NFIB: variants seen among roughly 807,000 people sequenced by gnomAD.
The protein encoded by NFIB is nuclear factor I B, also known as nuclear factor 1 B-type.
A neutral mutation model predicts 61.5 loss-of-function variants in NFIB; 11 were observed. That is an observed-to-expected ratio of 0.18 (90% CI 0.11 to 0.30). The LOEUF (loss-of-function observed/expected upper bound fraction) is 0.30. Ranked by LOEUF, NFIB falls within the 10% of genes least tolerant of loss-of-function variation. NFIB has a pLI of 1.00. For missense variants in NFIB, 471 were observed against 608.9 expected, an observed-to-expected ratio of 0.77 and a Z score of 2.38; for synonymous variants, 260 against 216.5, an observed-to-expected ratio of 1.20 and a Z score of -1.76.
Position 14,313,226 on chromosome 9 carries a change from AC to A in NFIB, c.30+255del, listed in dbSNP as rs537750667. ...GCACTTACAGGTCCCGGCCCTGCCC[AC>A]CCCCCGGCGGCCTTGCCCGGCCCAG... is the stretch of plus-strand genomic sequence containing the variant. On this transcript the variant is annotated intron_variant, in intron 1 of 10. Coordinates refer to ENST00000380953, the MANE Select transcript of NFIB (RefSeq NM_001190737.2). The surrounding 1 kb of genome is among the most constrained non-coding windows in gnomAD (Gnocchi z 4.5). Among the ~76,000 whole-genome samples the A allele has an allele frequency of 2.6e-4, 39 of 151,318 alleles. No individual in the cohort carries two copies. The South Asian group carries it at 7.7e-3, about 30-fold the overall frequency.
chr9:14,088,559 T>C (rs942522572), intron 10 of NFIB, among the ~76,000 whole-genome samples: 33 of 152,106 alleles, frequency 2.2e-4, no homozygotes, highest in African/African-American at 6.5e-4. Flanking sequence ...GGCAGAAAAA[T>C]CCAGAGTAAG....
chr9:14,523,036 G>A, the NFIB span, among the ~76,000 whole-genome samples: 4 of 152,164 alleles, frequency 2.6e-5, no homozygotes. Context: ...TGAGAGAGTT[G>A]AGGGAAAGAA....
intron 2 of NFIB, among the ~76,000 whole-genome samples, chr9:14,197,790 G>A (rs2890983): frequency 0.88 from 132,749 of 151,496 alleles, 58,369 homozygotes; most frequent in South Asian, 0.93. Context: ...GAAATAACTT[G>A]GGGAAAAAAA....
intron 2 of NFIB, among the ~76,000 whole-genome samples, chr9:14,234,952 T>C (rs771547970): frequency 1.3e-5 from 2 of 152,170 alleles, no homozygotes; most frequent in African/African-American, 4.8e-5. Flanking sequence ...TTTGGTCTTT[T>C]TGAACAAATG....
the NFIB span, among the ~76,000 whole-genome samples, chr9:14,510,140 C>T: frequency 6.6e-6 from 1 of 152,200 alleles, no homozygotes; most frequent in African/African-American, 2.4e-5. Flanking sequence ...AAGTGATCTG[C>T]CTGCCTTGGC....
chr9:14,151,246 A>C (rs1030962114), intron 4 of NFIB, among the ~76,000 whole-genome samples: 28 of 152,270 alleles, frequency 1.8e-4, no homozygotes, highest in African/African-American at 6.0e-4. Flanking sequence ...TTTCTCCTCC[A>C]AACTTCTTCC....
the NFIB span, among the ~76,000 whole-genome samples, chr9:14,442,820 C>T: frequency 6.6e-6 from 1 of 152,060 alleles, no homozygotes; most frequent in African/African-American, 2.4e-5. Flanking sequence ...ACGGCTTAAC[C>T]CATAAACCAT....
At chr9:14,155,321 G>C (rs1252973383) in intron 4 of NFIB, among the ~76,000 whole-genome samples, 3 of 152,160 alleles carry the variant, frequency 2.0e-5, no homozygotes, top group Non-Finnish European at 4.4e-5. Flanking sequence ...ATTGGACATT[G>C]TTTTGGATAA....
chr9:14,314,173 CCGGGGTGGGGG>C (rs1050240169), upstream of NFIB: 33 of 95,388 alleles, frequency 3.5e-4, no homozygotes, highest in African/African-American at 5.5e-4. Context: ...CGGGAGAGGG[CCGGGGTGGGGG>C]CGGGGTGGGA....
chr9:14,125,501 G>C lies in NFIB; in HGVS notation c.1060+131C>G, dbSNP rs567181461. ...AGAAGAAAAAATACTTGATCGGATT[G>C]TGCCCCTCACCATATGGGTTGAGAA... On this transcript the variant is annotated intron_variant, in intron 7 of 10. Coordinates refer to ENST00000380953, the MANE Select transcript of NFIB (RefSeq NM_001190737.2). 31 of 1,252,268 alleles carry C rather than the reference G, an allele frequency of 2.5e-5. No individual in the cohort carries two copies. The East Asian group carries it at 7.4e-4, about 30-fold the overall frequency. 77.6% of individuals were successfully genotyped at this position (1,252,268 alleles called of 1,614,324 possible).
chr9:14,248,566 C>T (rs561436111), intron 2 of NFIB, among the ~76,000 whole-genome samples: 17 of 152,242 alleles, frequency 1.1e-4, no homozygotes, highest in African/African-American at 2.2e-4. Context: ...CCACCACGCC[C>T]GGCCTCTATT....
At chr9:14,252,824 C>A (rs1180337739) in intron 2 of NFIB, among the ~76,000 whole-genome samples, 1 of 152,152 alleles carries the variant, frequency 6.6e-6, no homozygotes, top group Non-Finnish European at 1.5e-5. Context: ...CCATCTCCTG[C>A]AGCAAAATAT....
the NFIB span, among the ~76,000 whole-genome samples, chr9:14,440,485 G>T: frequency 8.7e-4 from 132 of 152,158 alleles, no homozygotes; most frequent in African/African-American, 3.1e-3. Context: ...ATTACACAGG[G>T]TCTATGTCCA....
chr9:14,088,387 T>C, intron 10 of NFIB, 61 bp from the exon 11 acceptor site: 1 of 1,398,876 alleles, frequency 7.1e-7, no homozygotes, highest in Admixed American at 2.6e-5. Context: ...AATGTTAAAA[T>C]CTACAACAAT....
chr9:14,288,537 C>G (rs944006376), intron 2 of NFIB, among the ~76,000 whole-genome samples: 4 of 152,030 alleles, frequency 2.6e-5, no homozygotes, highest in Admixed American at 1.3e-4. Flanking sequence ...TCTTGGTTAT[C>G]TGTTTCATTT....
the NFIB span, among the ~76,000 whole-genome samples, chr9:14,460,407 T>C: frequency 2.8e-5 from 4 of 142,568 alleles, no homozygotes; most frequent in African/African-American, 1.0e-4. Context: ...TCAGGAGATA[T>C]ACCTAATGTA....
intron 1 of NFIB, chr9:14,321,924 A>C: frequency 8.1e-7 from 1 of 1,231,738 alleles, no homozygotes; most frequent in Non-Finnish European, 1.0e-6. Flanking sequence ...AAAACCCATC[A>C]GTTCAAAGCC....
intron 1 of NFIB, among the ~76,000 whole-genome samples, chr9:14,347,810 G>C (rs1357286979): frequency 1.3e-5 from 2 of 152,154 alleles, no homozygotes; most frequent in Non-Finnish European, 2.9e-5. Flanking sequence ...GGCGGTAGAG[G>C]GCAAGTCTTA....
At chr9:14,251,466 T>G (rs573873418) in intron 2 of NFIB, among the ~76,000 whole-genome samples, 1 of 152,348 alleles carries the variant, frequency 6.6e-6, no homozygotes, top group African/African-American at 2.4e-5. Flanking sequence ...CCCCTGAGAT[T>G]GCTGCCAGCC....
Sources: allele counts gnomAD v4.1 joint callset (sites outside exome capture counted in the v4.1 genomes callset), GRCh38; gene constraint gnomAD v4.1.1; non-coding constraint Gnocchi (gnomAD v3.1); transcripts MANE v1.5; gene names NCBI Gene and HGNC (gene_info 2026-07-23, HGNC 2026-07-21).